RBM23: variants seen among roughly 807,000 people sequenced by gnomAD.
The protein encoded by RBM23 is probable RNA-binding protein 23.
A neutral mutation model predicts 56.2 loss-of-function variants in RBM23; 53 were observed. That is an observed-to-expected ratio of 0.94 (90% confidence interval 0.76 to 1.19). RBM23 has a LOEUF of 1.19. Among genes scored for constraint, RBM23 ranks in the 50% most tolerant of loss-of-function variants. The probability of loss-of-function intolerance (pLI) is 0.00; values close to 1 mark genes in which losing one functional copy is unlikely to be tolerated. For synonymous variants in RBM23, 197 were observed against 198.5 expected (o/e 0.99, Z 0.06); for missense variants, 642 against 590.3 (o/e 1.09, Z -0.91).
At chr14:22,914,470 T>G (rs1440539001) in intron 1 of RBM23, among the ~76,000 whole-genome samples, 2 of 152,048 alleles carry the variant, frequency 1.3e-5, no homozygotes, top group Non-Finnish European at 2.9e-5. Flanking sequence ...CCAGCCTGGA[T>G]GACACAGCGA....
At position 22,914,986 on chromosome 14, in the gene RBM23, C is replaced by CAAAAA. The variant is rs367972024; in HGVS notation, c.-10-3588_-10-3584dup. On this transcript the variant is annotated intron_variant, in intron 1 of 13. Transcript: ENST00000359890. ...TGTAAGATGGAGTAAGACTCCATCTCAAAAAAAAAAAAAAAAAAGAGGAAC... is the reference window on the plus strand; with the variant it reads ...TGTAAGATGGAGTAAGACTCCATCTCAAAAAAAAAAAAAAAAAAAAAAAGAGGAAC... 2.0e-5 allele frequency among the ~76,000 whole-genome samples: 2 copies of CAAAAA among 101,936 alleles called. 1 individual carries two copies. The highest frequency in any genetic ancestry group is 3.8e-5 in the Non-Finnish European group (2 of 52,996). The allele number at this position is 101,936 out of a possible 152,430, so 66.9% of individuals were successfully genotyped here.
Position 22,905,589 on chromosome 14 carries a change from GTTCA to G in RBM23, c.455+13_455+16del, listed in dbSNP as rs1566550031. The G allele has an allele frequency of 3.7e-6, 6 of 1,608,768 alleles. No homozygotes were observed. The highest frequency in any genetic ancestry group is 2.2e-5 in the South Asian group (2 of 90,978). ...CATACCTCACAATCCCTAAAACAGT[GTTCA>G]TTATCAACCCACCTGACTGGGCTCT... On this transcript the variant is annotated intron_variant, in intron 6 of 13. Transcript: ENST00000359890.
Position 22,901,989 on chromosome 14 carries a change from C to G in RBM23, c.1237G>C (p.Ala413Pro). 3 of 1,611,790 alleles carry G rather than the reference C, an allele frequency of 1.9e-6. No homozygotes were observed. Among genetic ancestry groups the G allele is most frequent in the Non-Finnish European group, 2.5e-6 (3 of 1,178,326 alleles). ...AVPLGALNPA[A>P]LTALSPALNL... ...CCATGTCCAAGACTACCAGTCAGAG[C>G]TGCTGGATTCAGGGCCCCCAAGGGA... Residue 413 changes from alanine to proline, a missense_variant, in exon 12 of 14, where the codon GCT becomes CCT. Coordinates refer to ENST00000359890, the MANE Select transcript of RBM23 (RefSeq NM_001077351.2).
intron 1 of RBM23, among the ~76,000 whole-genome samples, chr14:22,912,917 T>C (rs187125660): frequency 2.3e-4 from 31 of 132,582 alleles, no homozygotes; most frequent in African/African-American, 8.2e-4. Flanking sequence ...GGAGTATCAC[T>C]TGAACCCAGG....
chr14:22,916,340 T>C (rs1272597872), intron 1 of RBM23, among the ~76,000 whole-genome samples: 1 of 151,516 alleles, frequency 6.6e-6, no homozygotes, highest in Non-Finnish European at 1.5e-5. Context: ...CACTGCAACC[T>C]CTGCCTCTCT....
At chr14:22,914,053 A>AT (rs2043057318) in intron 1 of RBM23, 1 of 149,396 alleles carries the variant, frequency 6.7e-6, no homozygotes, top group Non-Finnish European at 1.5e-5. Context: ...TTTGCTGGGC[A>AT]TGGTGGCTCA....
At chr14:22,903,316 T>G in intron 10 of RBM23, 1 of 985,492 alleles carries the variant, frequency 1.0e-6, no homozygotes, top group South Asian at 4.7e-5. Context: ...GTGTCAAGGT[T>G]GTTGACCCAA....
Position 22,900,501 on chromosome 14 carries a change from T to TG in RBM23, c.*1228_*1229insC, listed in dbSNP as rs2040358346. The TG allele has an allele frequency of 6.6e-6, 1 of 152,148 alleles. No homozygotes were observed. The highest frequency in any genetic ancestry group is 2.4e-5 in the African/African-American group (1 of 41,396). 9.4% of individuals were successfully genotyped at this position (152,148 alleles called of 1,614,324 possible). On this transcript the variant is annotated 3_prime_UTR_variant, in exon 14 of 14. Transcript: ENST00000359890. The stretch of plus-strand genomic sequence containing the variant: ...TGTTTGGGTAATTCTGTCCAGTGGG[T>TG]AGCTGGGATGGAGATAGTTAGGATG...
In RBM23 at chr14:22,906,340, G is replaced by C. The variant is rs754235100; in HGVS notation, c.256C>G (p.Arg86Gly). The C allele has an allele frequency of 5.0e-6, 8 of 1,614,112 alleles. No homozygotes were observed. In the South Asian group the frequency reaches 7.7e-5, roughly 16 times the overall value. ...SRSRDRDRYR[R>G]RNSRSRSPGR... ...GGACTTCGGCTCCGACTATTTCTCC[G>C]TCTATACCGATCCCGATCTCGACTA... The change falls in exon 5 of 14, where the codon CGG (arginine) becomes GGG (glycine). Residue 86 changes from arginine (R) to glycine (G), a missense_variant. Coordinates refer to ENST00000359890, the MANE Select transcript of RBM23 (RefSeq NM_001077351.2).
chr14:22,903,878 T>C lies in RBM23; in HGVS notation c.930+383A>G, dbSNP rs1287312183. On this transcript the variant is annotated intron_variant, in intron 10 of 13. Transcript: ENST00000359890. ...GGGGTAGCACCAGAGGGAAGTATAA[T>C]TTCCTATTCCCATCCCTGTTATGAG... 4.0e-5 allele frequency: 47 copies of C among 1,160,856 alleles called. 2 individuals are homozygous for C. In the South Asian group the frequency reaches 8.4e-4, roughly 21 times the overall value. 71.9% of individuals were successfully genotyped at this position (1,160,856 alleles called of 1,614,324 possible).
intron 10 of RBM23, chr14:22,902,995 T>A: frequency 2.5e-6 from 2 of 815,544 alleles, no homozygotes; most frequent in Non-Finnish European, 3.0e-6. Flanking sequence ...TTGGTCAGGC[T>A]GGTCTCGAAC....
Position 22,900,165 on chromosome 14 carries a change from A to G in RBM23, c.*1565T>C, listed in dbSNP as rs996084582. 6.6e-6 allele frequency: 1 copy of G among 152,230 alleles called. No homozygotes were observed. The highest frequency in any genetic ancestry group is 1.5e-5 in the Non-Finnish European group (1 of 68,076). 9.4% of individuals were successfully genotyped at this position (152,230 alleles called of 1,614,324 possible). ...AGTTGAGGGGACTGACAGAGGAACA[A>G]CAGTAGACATCAGGTCAGGAGAACC... On this transcript the variant is annotated 3_prime_UTR_variant, in exon 14 of 14. Coordinates refer to ENST00000359890, the MANE Select transcript of RBM23 (RefSeq NM_001077351.2).
chr14:22,906,378 G>A lies in RBM23; in HGVS notation c.228-10C>T, dbSNP rs193296459. ...CCGATCTCGACTACGACTACAGAGG[G>A]AAACAACTACAGTCATGCCCACATC... On this transcript the variant is annotated splice_polypyrimidine_tract_variant and intron_variant, in intron 4 of 13. Transcript: ENST00000359890. 2.9e-3 allele frequency: 4,656 copies of A among 1,613,686 alleles called. 8 individuals are homozygous for A. Among genetic ancestry groups the A allele is most frequent in the Non-Finnish European group, 3.5e-3 (4,107 of 1,179,716 alleles).
chr14:22,902,529 C>T (rs570841109), intron 10 of RBM23, 147 bp from the exon 11 acceptor site: 1 of 1,392,924 alleles, frequency 7.2e-7, no homozygotes, highest in African/African-American at 1.4e-5. Flanking sequence ...ATGACCTAGG[C>T]CCATCACCTC....
rs913472587 is a variant in RBM23 at position 22,893,691 on chromosome 14, G to A, written c.*8039C>T. On this transcript the variant is annotated 3_prime_UTR_variant, in exon 14 of 14. Transcript: ENST00000359890. ...AGAAACAGTGGGCAGCCCACCACAT[G>A]AGGAAAAGGCCCTTCCTATAAAGAA... 1 of 152,196 alleles carries A rather than the reference G, an allele frequency of 6.6e-6. No individual in the cohort carries two copies. Among genetic ancestry groups the A allele is most frequent in the Admixed American group, 6.5e-5 (1 of 15,274 alleles). 9.4% of individuals were successfully genotyped at this position (152,196 alleles called of 1,614,324 possible).
Position 22,905,383 on chromosome 14 carries a change from G to C in RBM23, c.526C>G (p.Arg176Gly), listed in dbSNP as rs1472972525. The C allele has an allele frequency of 1.2e-6, 2 of 1,613,938 alleles. No homozygotes were observed. Among genetic ancestry groups the C allele is most frequent in the African/African-American group, 1.3e-5 (1 of 74,908 alleles). The stretch of plus-strand genomic sequence containing the variant: ...TCCTCCAGATCTCGAGGCCGAATTC[G>C]GGCAGCTAACTGCATACAGAAAACT... The part of the protein sequence containing the change: ...RTVFCMQLAA[R>G]IRPRDLEDFF... Residue 176 changes from arginine (R) to glycine (G), a missense_variant, in exon 7 of 14, where the codon CGA (arginine) becomes GGA (glycine). Physicochemically the swap from Arg to Gly is moderately radical, Grantham distance 125 (BLOSUM62 -2). Transcript: ENST00000359890.
chr14:22,914,309 G>C (rs199624545), intron 1 of RBM23, among the ~76,000 whole-genome samples: 1 of 124,466 alleles, frequency 8.0e-6, no homozygotes, highest in Non-Finnish European at 1.6e-5. Flanking sequence ...TGGTGACAGA[G>C]CAAGACTCTG....
In RBM23 at chr14:22,902,341, C is replaced by A. The variant is rs866132727; in HGVS notation, c.972G>T (p.Leu324Phe). ...GTCGACCAGCAAGCTCAAACCCATT[C>A]AACTGTTCCAGGGCCCGCCGGGCAC... ...SECARRALEQ[L>F]NGFELAGRPM... The change falls in exon 11 of 14, where the codon TTG becomes TTT. Residue 324 changes from leucine to phenylalanine, a missense_variant. Transcript: ENST00000359890. The A allele has an allele frequency of 2.5e-6, 4 of 1,613,964 alleles. No homozygotes were observed. The highest frequency in any genetic ancestry group is 1.3e-5 in the African/African-American group (1 of 74,906).
intron 3 of RBM23, chr14:22,908,746 A>G (rs1278496106): frequency 7.9e-5 from 14 of 176,108 alleles, no homozygotes; most frequent in Non-Finnish European, 8.5e-5. Context: ...TATTGCTGCC[A>G]AAGAAAAGGA....
Sources: allele counts gnomAD v4.1 joint callset (sites outside exome capture counted in the v4.1 genomes callset), GRCh38; gene constraint gnomAD v4.1.1; transcripts MANE v1.5; gene names NCBI Gene and HGNC (gene_info 2026-07-23, HGNC 2026-07-21).